CFAP47: variants seen among roughly 807,000 people sequenced by gnomAD.
CFAP47 encodes the protein cilia- and flagella-associated protein 47.
Under a neutral mutation model 148.1 loss-of-function variants are expected in CFAP47, and 29 were observed. The ratio of observed to expected loss-of-function variants is 0.20; its 90% confidence interval spans 0.15 to 0.27. The LOEUF (loss-of-function observed/expected upper bound fraction) is 0.27. Among genes scored for constraint, CFAP47 ranks in the 10% least tolerant of loss-of-function variants. CFAP47 has a pLI of 1.00. For synonymous variants in CFAP47, 664 were observed against 577.3 expected (o/e 1.15, Z -2.15); for missense variants, 1,872 against 1,697.5 (o/e 1.10, Z -1.81).
intron 5 of CFAP47, 150 bp from the exon 6 acceptor site, chrX:35,951,653 C>T: frequency 1.5e-6 from 1 of 654,951 alleles, no homozygotes; most frequent in Non-Finnish European, 2.1e-6. Context: ...GTATGATGTG[C>T]CTTGGTCAAA....
intron 29 of CFAP47, among the ~76,000 whole-genome samples, chrX:36,079,679 G>T (rs1486097661): frequency 9.0e-6 from 1 of 111,608 alleles, no homozygotes; most frequent in African/African-American, 3.3e-5. Context: ...GCCTACTTCT[G>T]TCAAATTGTC....
At chrX:36,238,836 C>A (rs1454499953) in intron 48 of CFAP47, among the ~76,000 whole-genome samples, 1 of 111,474 alleles carries the variant, frequency 9.0e-6, no homozygotes, top group Non-Finnish European at 1.9e-5. Context: ...ATACAAATAC[C>A]AAATTCATAC....
intron 29 of CFAP47, among the ~76,000 whole-genome samples, chrX:36,081,199 T>C (rs959892572): frequency 1.8e-5 from 2 of 111,638 alleles, no homozygotes; most frequent in African/African-American, 6.5e-5. Context: ...CAAAGGATCC[T>C]AAGAGATGTT....
intron 40 of CFAP47, among the ~76,000 whole-genome samples, chrX:36,182,030 A>C (rs1179683144): frequency 6.2e-5 from 7 of 112,459 alleles, no homozygotes; most frequent in Non-Finnish European, 1.1e-4. Context: ...TTCATCTGGA[A>C]TTCTGCCTGC....
At chrX:36,042,435 A>G (rs1188727006) in intron 25 of CFAP47, among the ~76,000 whole-genome samples, 1 of 111,632 alleles carries the variant, frequency 9.0e-6, no homozygotes, top group Non-Finnish European at 1.9e-5. Context: ...AACTGGGAAG[A>G]TCACTTATCA....
rs1939293572 is a variant in CFAP47, at chrX:36,150,351, G to T, written c.5786+1128G>T. ...ACATGCTAATGACATAAATACTCTT[G>T]TTTATTAAATAATACAAAGATGATA... On this transcript the variant is annotated intron_variant, in intron 37 of 63. Transcript: ENST00000378653. Among the ~76,000 whole-genome samples the T allele has an allele frequency of 2.7e-5, 3 of 111,955 alleles. No individual in the cohort carries two copies. The South Asian group carries it at 1.1e-3, about 41-fold the overall frequency.
At position 36,348,201 on chromosome X, in the gene CFAP47, A is replaced by T; in HGVS notation, c.8516A>T (p.Lys2839Ile). 1.9e-6 allele frequency: 2 copies of T among 1,060,901 alleles called. No individual in the cohort carries two copies. Among genetic ancestry groups the T allele is most frequent in the East Asian group, 7.8e-5 (2 of 25,585 alleles). 87.4% of individuals were successfully genotyped at this position (1,060,901 alleles called of 1,213,427 possible). The stretch of plus-strand genomic sequence containing the variant: ...ATACCTCAAATTATGAAATTACACA[A>T]AACAATGGTTATTATTGAGATGACG... The part of the protein sequence containing the change: ...LFIPQIMKLH[K>I]TMVIIEMTKA... The change falls in exon 58 of 64, where the codon AAA becomes ATA. Residue 2839 changes from lysine (K) to isoleucine (I), a missense_variant. Physicochemically the swap from Lys to Ile is moderately radical, Grantham distance 102 (BLOSUM62 -3). Transcript: ENST00000378653.
At chrX:35,923,695 C>T (rs2146607589) in intron 1 of CFAP47, among the ~76,000 whole-genome samples, 1 of 109,059 alleles carries the variant, frequency 9.2e-6, no homozygotes, top group East Asian at 2.9e-4. Flanking sequence ...TGGTGCACAC[C>T]TGTAGTCCCA....
At chrX:36,170,734 G>A (rs1438209272) in intron 39 of CFAP47, among the ~76,000 whole-genome samples, 1 of 107,100 alleles carries the variant, frequency 9.3e-6, no homozygotes, top group Non-Finnish European at 1.9e-5. Flanking sequence ...CTTTGCTATT[G>A]TGAATAATGC....
intron 49 of CFAP47, among the ~76,000 whole-genome samples, chrX:36,261,320 C>CTTTTTTTTTTTT (rs143068749): frequency 2.0e-4 from 4 of 20,469 alleles, no homozygotes; most frequent in African/African-American, 2.5e-4. Flanking sequence ...AGATACTATT[C>CTTTTTTTTTTTT]TTTTTTTTTT....
intron 33 of CFAP47, among the ~76,000 whole-genome samples, chrX:36,129,430 T>G (rs957293972): frequency 9.0e-6 from 1 of 110,939 alleles, no homozygotes; most frequent in Non-Finnish European, 1.9e-5. Context: ...ATATCAAGTA[T>G]TATATACATT....
intron 62 of CFAP47, among the ~76,000 whole-genome samples, chrX:36,371,924 G>GTATATGTGTGTA: frequency 1.7e-5 from 1 of 60,011 alleles, no homozygotes; most frequent in African/African-American, 1.3e-4. Flanking sequence ...GTATATATGT[G>GTATATGTGTGTA]TATATACACA....
chrX:35,987,941 C>A (rs1028913839), intron 15 of CFAP47, among the ~76,000 whole-genome samples: 1 of 111,304 alleles, frequency 9.0e-6, no homozygotes, highest in South Asian at 3.9e-4. Flanking sequence ...GCTGCACCCA[C>A]TGTCTAACCA....
At chrX:35,925,577 A>C (rs1850149029) in intron 1 of CFAP47, among the ~76,000 whole-genome samples, 1 of 112,203 alleles carries the variant, frequency 8.9e-6, no homozygotes, top group African/African-American at 3.2e-5. Flanking sequence ...TTAAAATTAG[A>C]AAGTCTTTGG....
At chrX:35,965,173 A>G (rs1936385261) in intron 8 of CFAP47, among the ~76,000 whole-genome samples, 1 of 111,294 alleles carries the variant, frequency 9.0e-6, no homozygotes, top group African/African-American at 3.3e-5. Flanking sequence ...ATTCTGTGAA[A>G]GCTTTTTGTT....
In CFAP47 at chrX:36,364,901, C is replaced by CATATATAT. The variant is rs60748143; in HGVS notation, c.9024-2029_9024-2022dup. On this transcript the variant is annotated intron_variant, in intron 61 of 63. Coordinates refer to ENST00000378653, the MANE Select transcript of CFAP47 (RefSeq NM_001304548.2). The stretch of plus-strand genomic sequence containing the variant: ...TGTAACTTAACAGTTATATTTTGTG[C>CATATATAT]ATATATATATATATATATATATATA... Among the ~76,000 whole-genome samples the CATATATAT allele has an allele frequency of 8.5e-4, 57 of 67,359 alleles. 1 individual carries two copies. Among genetic ancestry groups the CATATATAT allele is most frequent in the Non-Finnish European group, 1.4e-3 (46 of 32,692 alleles). The allele number at this position is 67,359 out of a possible 115,157, so 58.5% of individuals were successfully genotyped here.
intron 40 of CFAP47, among the ~76,000 whole-genome samples, chrX:36,179,986 C>T (rs775568496): frequency 9.0e-5 from 10 of 110,906 alleles, no homozygotes; most frequent in African/African-American, 2.9e-4. Context: ...TAAGAAGGCC[C>T]CTTGTCACCT....
At chrX:36,330,125 A>G (rs1941551971) in intron 57 of CFAP47, among the ~76,000 whole-genome samples, 1 of 111,809 alleles carries the variant, frequency 8.9e-6, no homozygotes, top group Admixed American at 9.6e-5. Flanking sequence ...ATTTTCAATA[A>G]TTATAGTCAC....
intron 46 of CFAP47, among the ~76,000 whole-genome samples, chrX:36,235,131 C>G (rs1200598482): frequency 9.0e-6 from 1 of 111,448 alleles, no homozygotes; most frequent in African/African-American, 3.3e-5. Context: ...CTGGGAGAAC[C>G]ACTGCTCTCT....
Sources: allele counts gnomAD v4.1 joint callset (sites outside exome capture counted in the v4.1 genomes callset), GRCh38; gene constraint gnomAD v4.1.1; transcripts MANE v1.5; gene names NCBI Gene and HGNC (gene_info 2026-07-23, HGNC 2026-07-21).